Variants in CRYBG2 observed in about 807,000 individuals in gnomAD.
CRYBG2 encodes the protein beta/gamma crystallin domain-containing protein 2.
In CRYBG2, 106 loss-of-function variants were observed where a neutral mutation model predicts 153.4. The observed-to-expected ratio is 0.69, with a 90% confidence interval of 0.59 to 0.81. The LOEUF (loss-of-function observed/expected upper bound fraction) is 0.81, where lower values mean the gene tolerates loss of function less well. Ranked by LOEUF, CRYBG2 falls within the 30% of genes least tolerant of loss-of-function variation. The probability of loss-of-function intolerance (pLI) is 0.00; values close to 1 mark genes in which losing one functional copy is unlikely to be tolerated. For missense variants in CRYBG2, 1,996 were observed against 2,112.0 expected (o/e 0.95, Z 1.08); for synonymous variants, 851 against 877.8 (o/e 0.97, Z 0.54).
rs1464530929 is a variant in CRYBG2 at position 26,336,558 on chromosome 1, C to A, written c.4038+48G>T. On this transcript the variant is annotated intron_variant, in intron 12 of 19. Coordinates refer to ENST00000308182, the MANE Select transcript of CRYBG2 (RefSeq NM_001039775.4). The surrounding 1 kb of genome is among the most constrained non-coding windows in gnomAD (Gnocchi z 4.9). Reference sequence around the variant, plus strand: ...CGTGGGGGCGGGGCGCACCCGAACTCCAGGTCCCGCCACCGGGGAGGCCCC... The same window carrying A: ...CGTGGGGGCGGGGCGCACCCGAACTACAGGTCCCGCCACCGGGGAGGCCCC... The A allele has an allele frequency of 6.5e-7, 1 of 1,541,112 alleles. No homozygotes were observed. The highest frequency in any genetic ancestry group is 2.0e-5 in the Admixed American group (1 of 48,950).
In CRYBG2 at chr1:26,322,062, G is replaced by T. The variant is rs1211296784; in HGVS notation, c.4898-6C>A. On this transcript the variant is annotated splice_region_variant and splice_polypyrimidine_tract_variant and intron_variant, in intron 19 of 19. Transcript: ENST00000308182. Reference sequence around the variant, plus strand: ...CCGGTCGTAGCCCCGGCCTCCTGGGGGTGGGATGGGGATTAAAAGATAGGG... The same window carrying T: ...CCGGTCGTAGCCCCGGCCTCCTGGGTGTGGGATGGGGATTAAAAGATAGGG... 1 of 1,605,126 alleles carries T rather than the reference G, an allele frequency of 6.2e-7. No individual in the cohort carries two copies. Among genetic ancestry groups the T allele is most frequent in the Non-Finnish European group, 8.5e-7 (1 of 1,173,014 alleles).
chr1:26,343,415 C>T lies in CRYBG2; in HGVS notation c.2914-122G>A. On this transcript the variant is annotated intron_variant, in intron 2 of 19. Coordinates refer to ENST00000308182, the MANE Select transcript of CRYBG2 (RefSeq NM_001039775.4). The surrounding 1 kb of genome is among the most constrained non-coding windows in gnomAD (Gnocchi z 4.1). ...AACCTCCACCCGCAAGGAGCTGGCGCATAGAGGATGCTCACACTTGTTCCC... is the reference window on the plus strand; with the variant it reads ...AACCTCCACCCGCAAGGAGCTGGCGTATAGAGGATGCTCACACTTGTTCCC... 5 of 1,205,128 alleles carry T rather than the reference C, an allele frequency of 4.1e-6. No homozygotes were observed. Among genetic ancestry groups the T allele is most frequent in the Non-Finnish European group, 6.0e-6 (5 of 838,364 alleles). The allele number at this position is 1,205,128 out of a possible 1,614,324, so 74.7% of individuals were successfully genotyped here.
chr1:26,332,856 A>G (rs184901028), intron 14 of CRYBG2, among the ~76,000 whole-genome samples: 1 of 151,622 alleles, frequency 6.6e-6, no homozygotes, highest in East Asian at 1.9e-4. Flanking sequence ...TATTATATTA[A>G]CCCAGTTATA....
Position 26,324,350 on chromosome 1 carries a change from A to G in CRYBG2, c.4579-40T>C, listed in dbSNP as rs1570163888. 4 of 1,560,606 alleles carry G rather than the reference A, an allele frequency of 2.6e-6. No homozygotes were observed. In the African/African-American group the frequency reaches 5.4e-5, roughly 21 times the overall value. On this transcript the variant is annotated intron_variant, in intron 17 of 19. Transcript: ENST00000308182. ...AGGCTGAGAGTCAGGGGTGCCGGGG[A>G]GGGATGACCTGGGCCCCCAGTACCC...
intron 5 of CRYBG2, among the ~76,000 whole-genome samples, chr1:26,341,902 T>C (rs1290090868): frequency 6.6e-6 from 1 of 152,192 alleles, no homozygotes; most frequent in Non-Finnish European, 1.5e-5. Context: ...TCCCTCTTTT[T>C]TCCACCTGGC....
chr1:26,324,244 C>T lies in CRYBG2; in HGVS notation c.4645G>A (p.Glu1549Lys). The part of the protein sequence containing the change: ...GGFLAVPDHV[E>K]DMKAGRVVVA... Reference sequence around the variant, plus strand: ...ACCACACGGCCTGCTTTCATGTCCTCCACATGGTCCGGCACTGCCAGGAAT... The same window carrying T: ...ACCACACGGCCTGCTTTCATGTCCTTCACATGGTCCGGCACTGCCAGGAAT... Residue 1549 changes from glutamate to lysine, a missense_variant, in exon 18 of 20, where the codon GAG becomes AAG. Glu to Lys is a moderately conservative substitution (Grantham distance 56, BLOSUM62 1). Coordinates refer to ENST00000308182, the MANE Select transcript of CRYBG2 (RefSeq NM_001039775.4). 2.5e-6 allele frequency: 4 copies of T among 1,612,772 alleles called. No individual in the cohort carries two copies. Among genetic ancestry groups the T allele is most frequent in the South Asian group, 1.1e-5 (1 of 91,084 alleles).
chr1:26,327,325 G>T (rs562202223), intron 17 of CRYBG2, among the ~76,000 whole-genome samples: 1 of 152,000 alleles, frequency 6.6e-6, no homozygotes, highest in African/African-American at 2.4e-5. Context: ...AAAATTAGCC[G>T]GGTGTGGTGG....
In CRYBG2 at chr1:26,346,285, G is replaced by A. The variant is rs762531478; in HGVS notation, c.373C>T (p.Arg125Cys). 4.4e-5 allele frequency: 70 copies of A among 1,596,130 alleles called. 1 individual carries two copies. In the South Asian group the frequency reaches 4.8e-4, roughly 11 times the overall value. Residue 125 changes from arginine (R) to cysteine (C), a missense_variant, in exon 2 of 20, where the codon CGC becomes TGC. Coordinates refer to ENST00000308182, the MANE Select transcript of CRYBG2 (RefSeq NM_001039775.4). This position sits in a 1 kb window ranked among gnomAD's most constrained non-coding sequence, Gnocchi z 4.9. Reference protein sequence around the residue: ...KEAVDQSDGSRQAPRTEPPCV... With the variant: ...KEAVDQSDGSCQAPRTEPPCV... ...GGGGGCTCAGTCCTGGGAGCTTGGC[G>A]GCTGCCATCACTCTGGTCCACAGCC... is the stretch of plus-strand genomic sequence containing the variant.
At chr1:26,347,200 T>C (rs2074232863) in intron 1 of CRYBG2, among the ~76,000 whole-genome samples, 1 of 152,084 alleles carries the variant, frequency 6.6e-6, no homozygotes, top group Non-Finnish European at 1.5e-5. Flanking sequence ...TGGCCATTTC[T>C]TCTGTTCAAG....
chr1:26,336,933 C>G lies in CRYBG2; in HGVS notation c.3819G>C (p.Glu1273Asp). 1 of 1,613,490 alleles carries G rather than the reference C, an allele frequency of 6.2e-7. No homozygotes were observed. Among genetic ancestry groups the G allele is most frequent in the Non-Finnish European group, 8.5e-7 (1 of 1,179,808 alleles). ...CCTTGCTCACCTCCACGCCGTGCCC[C>G]TCGAAGTCCATGGCCTCAAATAGCA... ...AVVLFEAMDF[E>D]GHGVEVSKAL... Residue 1273 changes from glutamate to aspartate, a missense_variant, in exon 11 of 20, where the codon GAG (glutamate) becomes GAC (aspartate). Glu to Asp is a conservative substitution (Grantham distance 45, BLOSUM62 2). Coordinates refer to ENST00000308182, the MANE Select transcript of CRYBG2 (RefSeq NM_001039775.4). This position sits in a 1 kb window ranked among gnomAD's most constrained non-coding sequence, Gnocchi z 4.9.
In CRYBG2 at chr1:26,344,297, TC is replaced by T. The variant is rs1413732754; in HGVS notation, c.2360del (p.Arg787GlnfsTer53). 13 of 1,513,038 alleles carry T rather than the reference TC, an allele frequency of 8.6e-6. No individual in the cohort carries two copies. In the African/African-American group the frequency reaches 1.7e-4, roughly 19 times the overall value. The allele number at this position is 1,513,038 out of a possible 1,614,324, so 93.7% of individuals were successfully genotyped here. On this transcript the variant is annotated frameshift_variant, in exon 2 of 20. Transcript: ENST00000308182. LOFTEE classifies it high-confidence loss of function. The stretch of plus-strand genomic sequence containing the variant: ...TGGACAGGTAGGAGGAGCGAGGGGC[TC>T]GTGGCAGCCGGTGAGTGCGGAGGAT... Reference protein sequence around the residue: ...PEILRTHRLPRAPRSSYLSMY... With the variant: ...PEILRTHRLPXAPRSSYLSMY...
Position 26,343,029 on chromosome 1 carries a change from T to C in CRYBG2, c.3074+18A>G, listed in dbSNP as rs1387940555. On this transcript the variant is annotated intron_variant, in intron 4 of 19. Coordinates refer to ENST00000308182, the MANE Select transcript of CRYBG2 (RefSeq NM_001039775.4). The surrounding 1 kb of genome is among the most constrained non-coding windows in gnomAD (Gnocchi z 4.1). ...CCAGGTTCACAGCCAAGTGCCTTGCTGGGCACTCCCCACTCACCAGCCTCG... is the reference window on the plus strand; with the variant it reads ...CCAGGTTCACAGCCAAGTGCCTTGCCGGGCACTCCCCACTCACCAGCCTCG... 1 of 1,541,600 alleles carries C rather than the reference T, an allele frequency of 6.5e-7. No individual in the cohort carries two copies. The highest frequency in any genetic ancestry group is 2.0e-5 in the Admixed American group (1 of 50,682).
rs2074048905 is a variant in CRYBG2 at position 26,336,030 on chromosome 1, ACT to A, written c.4184+63_4184+64del. On this transcript the variant is annotated intron_variant, in intron 14 of 19. Coordinates refer to ENST00000308182, the MANE Select transcript of CRYBG2 (RefSeq NM_001039775.4). This position sits in a 1 kb window ranked among gnomAD's most constrained non-coding sequence, Gnocchi z 4.9. ...CCAAAGGAAGGAAATCATTTGAAAG[ACT>A]CTCCTCCTGCAGCCCCGCCTCTGCC... 1.6e-6 allele frequency: 2 copies of A among 1,273,544 alleles called. No homozygotes were observed. Among genetic ancestry groups the A allele is most frequent in the Non-Finnish European group, 2.1e-6 (2 of 942,942 alleles). 78.9% of individuals were successfully genotyped at this position (1,273,544 alleles called of 1,614,324 possible). A position where few individuals can be genotyped will look rare whatever the true frequency, so the allele number is the denominator to read the frequency against.
At chr1:26,324,375 C>T in intron 17 of CRYBG2, 65 bp from the exon 18 acceptor site, 5 of 1,497,018 alleles carry the variant, frequency 3.3e-6, no homozygotes, top group Non-Finnish European at 4.5e-6. Flanking sequence ...CCCCAGTACC[C>T]TCAACTCTGG....
intron 1 of CRYBG2, among the ~76,000 whole-genome samples, chr1:26,349,242 G>A (rs954740229): frequency 2.0e-5 from 3 of 152,120 alleles, no homozygotes; most frequent in Non-Finnish European, 1.5e-5. Context: ...GCTTTACAAG[G>A]CACTCTTCCC....
rs531420907 is a variant in CRYBG2, at chr1:26,343,472, G to T, written c.2914-179C>A. On this transcript the variant is annotated intron_variant, in intron 2 of 19. Coordinates refer to ENST00000308182, the MANE Select transcript of CRYBG2 (RefSeq NM_001039775.4). This position sits in a 1 kb window ranked among gnomAD's most constrained non-coding sequence, Gnocchi z 4.1. The stretch of plus-strand genomic sequence containing the variant: ...CAAGGGCCTCATCACCCTGTCCCAG[G>T]AGCTTGGTGCTCATCACCCGCCTTC... Among the ~76,000 whole-genome samples, 15 of 152,222 alleles carry T rather than the reference G, an allele frequency of 9.9e-5. No individual in the cohort carries two copies. Among genetic ancestry groups the T allele is most frequent in the African/African-American group, 3.4e-4 (14 of 41,532 alleles).
At chr1:26,326,590 C>T in intron 17 of CRYBG2, 1 of 190,750 alleles carries the variant, frequency 5.2e-6, no homozygotes, top group South Asian at 8.9e-5. Flanking sequence ...AAACTCATGA[C>T]TTTATGGATA....
rs754038259 is a variant in CRYBG2 at position 26,339,377 on chromosome 1, T to G, written c.3257A>C (p.Glu1086Ala). 1 of 1,614,110 alleles carries G rather than the reference T, an allele frequency of 6.2e-7. No individual in the cohort carries two copies. The highest frequency in any genetic ancestry group is 1.1e-5 in the South Asian group (1 of 91,078). The part of the protein sequence containing the change: ...SLFSEEGLKG[E>A]QVKLTEALKN... ...CAAGGCCTCTGTTAGCTTCACTTGC[T>G]CCCCCTTGAGGCCCTCCTCAGAGAA... Residue 1086 changes from glutamate (E) to alanine (A), a missense_variant, in exon 6 of 20, where the codon GAG becomes GCG. By Grantham distance (107) the Glu-to-Ala change is moderately radical (BLOSUM62 -1). Coordinates refer to ENST00000308182, the MANE Select transcript of CRYBG2 (RefSeq NM_001039775.4).
In CRYBG2 at chr1:26,322,159, C is replaced by T; in HGVS notation, c.4897+5G>A. On this transcript the variant is annotated splice_donor_5th_base_variant and intron_variant, in intron 19 of 19. Transcript: ENST00000308182. Reference sequence around the variant, plus strand: ...GAGCCCTCTTCCCCATACATCCCACCTTACCCTTCACGTCCAGGATCTGGC... The same window carrying T: ...GAGCCCTCTTCCCCATACATCCCACTTTACCCTTCACGTCCAGGATCTGGC... 6.2e-7 allele frequency: 1 copy of T among 1,613,044 alleles called. No homozygotes were observed. The highest frequency in any genetic ancestry group is 8.5e-7 in the Non-Finnish European group (1 of 1,179,120).
Sources: gnomAD v4.1 joint callset for allele counts (sites outside exome capture counted in the v4.1 genomes callset) on GRCh38, gnomAD v4.1.1 for gene constraint, Gnocchi (gnomAD v3.1) non-coding constraint, MANE v1.5 for transcripts, NCBI Gene and HGNC (gene_info 2026-07-23, HGNC 2026-07-21) for gene names.